CADM1: variants seen among roughly 807,000 people sequenced by gnomAD.
CADM1 encodes cell adhesion molecule 1.
In CADM1, 15 loss-of-function variants were observed where a neutral mutation model predicts 53.1. The observed-to-expected ratio is 0.28, with a 90% CI of 0.19 to 0.44. The LOEUF is 0.44. CADM1 is among the 20% of genes least tolerant of loss of function. The probability of loss-of-function intolerance (pLI) is 1.00; values close to 1 mark genes in which losing one functional copy is unlikely to be tolerated. For synonymous variants in CADM1, 281 were observed against 243.0 expected, an observed-to-expected ratio of 1.16 and a Z score of -1.45; for missense variants, 434 against 611.3, an observed-to-expected ratio of 0.71 and a Z score of 3.06.
At chr11:115,493,999 T>C (rs150193677) in intron 1 of CADM1, among the ~76,000 whole-genome samples, 2 of 152,286 alleles carry the variant, frequency 1.3e-5, no homozygotes, top group East Asian at 3.9e-4. Context: ...ATAATTTCAA[T>C]GTAATAATGG....
intron 8 of CADM1, among the ~76,000 whole-genome samples, chr11:115,204,339 C>T (rs1316560758): frequency 2.0e-5 from 3 of 152,182 alleles, no homozygotes; most frequent in African/African-American, 7.2e-5. Context: ...GCACCTTCTG[C>T]CTGTGCCACC....
chr11:115,198,560 G>A (rs1405825784), intron 8 of CADM1, 122 bp from the exon 9 acceptor site: 46 of 729,406 alleles, frequency 6.3e-5, no homozygotes, highest in South Asian at 2.7e-4. Context: ...AGAACATCGC[G>A]TGACAAGCAA....
intron 1 of CADM1, among the ~76,000 whole-genome samples, chr11:115,402,394 G>C (rs1052360440): frequency 2.0e-5 from 3 of 151,960 alleles, no homozygotes; most frequent in African/African-American, 7.3e-5. Context: ...GTGGTGGTGC[G>C]TGCCTGTAGT....
At chr11:115,362,976 G>C (rs1946067983) in intron 1 of CADM1, among the ~76,000 whole-genome samples, 1 of 152,142 alleles carries the variant, frequency 6.6e-6, no homozygotes, top group Non-Finnish European at 1.5e-5. Context: ...ATAGAGCAAA[G>C]CTGTTGTTAT....
intron 1 of CADM1, among the ~76,000 whole-genome samples, chr11:115,472,239 C>T (rs569881777): frequency 6.6e-6 from 1 of 152,190 alleles, no homozygotes; most frequent in Non-Finnish European, 1.5e-5. Flanking sequence ...GTAATTGTAT[C>T]CTATAGCTAA....
intron 1 of CADM1, among the ~76,000 whole-genome samples, chr11:115,441,947 G>T (rs1948323275): frequency 6.6e-6 from 1 of 151,964 alleles, no homozygotes; most frequent in Non-Finnish European, 1.5e-5. Flanking sequence ...GTATATTATT[G>T]AGGACTGGGC....
chr11:115,477,132 T>C (rs933689534), intron 1 of CADM1, among the ~76,000 whole-genome samples: 2 of 151,872 alleles, frequency 1.3e-5, no homozygotes, highest in Non-Finnish European at 2.9e-5. Context: ...GGACAGGATA[T>C]AGTGGATAGG....
chr11:115,195,638 G>C (rs963542593), intron 9 of CADM1, among the ~76,000 whole-genome samples: 1 of 152,098 alleles, frequency 6.6e-6, no homozygotes, highest in Non-Finnish European at 1.5e-5. Flanking sequence ...TGAAGAAGTT[G>C]GGTTTTCAGC....
At chr11:115,353,905 G>A (rs1945798509) in intron 1 of CADM1, among the ~76,000 whole-genome samples, 2 of 152,156 alleles carry the variant, frequency 1.3e-5, no homozygotes, top group African/African-American at 4.8e-5. Flanking sequence ...TTAGGTATGT[G>A]AAAGGCATGG....
chr11:115,291,847 T>C (rs1476740201), intron 1 of CADM1, among the ~76,000 whole-genome samples: 2 of 152,198 alleles, frequency 1.3e-5, no homozygotes, highest in Non-Finnish European at 2.9e-5. Flanking sequence ...ACAAAAAAAT[T>C]AAAAATGAAT....
intron 1 of CADM1, among the ~76,000 whole-genome samples, chr11:115,242,195 C>A (rs1358820197): frequency 6.6e-6 from 1 of 151,970 alleles, no homozygotes; most frequent in Admixed American, 6.6e-5. Flanking sequence ...GCTCTAGGAT[C>A]CAGGGAATTA....
chr11:115,340,446 C>T (rs1945397730), intron 1 of CADM1, among the ~76,000 whole-genome samples: 1 of 145,050 alleles, frequency 6.9e-6, no homozygotes, highest in South Asian at 2.2e-4. Flanking sequence ...ATTGGCAATG[C>T]TAAGAGTTTT....
intron 1 of CADM1, among the ~76,000 whole-genome samples, chr11:115,317,491 C>T (rs766962734): frequency 5.9e-5 from 9 of 152,162 alleles, no homozygotes; most frequent in South Asian, 2.1e-4. Context: ...TCTATTAGAA[C>T]GTTAATTGTT....
intron 4 of CADM1, among the ~76,000 whole-genome samples, chr11:115,230,039 T>C (rs1941759491): frequency 1.3e-5 from 2 of 152,162 alleles, no homozygotes; most frequent in Admixed American, 6.5e-5. Flanking sequence ...TGGCACACCA[T>C]TAACTTTCTT....
chr11:115,432,622 A>C (rs973386602), intron 1 of CADM1, among the ~76,000 whole-genome samples: 10 of 152,228 alleles, frequency 6.6e-5, no homozygotes, highest in Admixed American at 5.9e-4. Flanking sequence ...ATAATTAAGA[A>C]TTTCAATATT....
Position 115,175,419 on chromosome 11 carries a change from C to T in CADM1, c.*1055G>A, listed in dbSNP as rs1453387699. The T allele has an allele frequency of 1.0e-6, 1 of 984,714 alleles. No homozygotes were observed. 61.0% of individuals were successfully genotyped at this position (984,714 alleles called of 1,614,324 possible). On this transcript the variant is annotated 3_prime_UTR_variant, in exon 12 of 12. Coordinates refer to ENST00000331581, the MANE Select transcript of CADM1 (RefSeq NM_001301043.2). Reference sequence around the variant, plus strand: ...ACTCTGTCCCATTCAGTCATTCGCACAACAGACGAACTTGCTTTTTCCTAC... The same window carrying T: ...ACTCTGTCCCATTCAGTCATTCGCATAACAGACGAACTTGCTTTTTCCTAC...
chr11:115,321,776 G>A (rs1318897310), intron 1 of CADM1, among the ~76,000 whole-genome samples: 2 of 152,126 alleles, frequency 1.3e-5, no homozygotes, highest in East Asian at 1.9e-4. Context: ...CAACAGTGGC[G>A]TGATACTCCA....
At chr11:115,354,927 T>C (rs1945826447) in intron 1 of CADM1, among the ~76,000 whole-genome samples, 1 of 152,196 alleles carries the variant, frequency 6.6e-6, no homozygotes, top group African/African-American at 2.4e-5. Flanking sequence ...AGAATTTCCC[T>C]AAACATCTCT....
chr11:115,293,150 G>A (rs1428624942), intron 1 of CADM1, among the ~76,000 whole-genome samples: 1 of 152,062 alleles, frequency 6.6e-6, no homozygotes, highest in Non-Finnish European at 1.5e-5. Flanking sequence ...AAAGATCCAG[G>A]GCCGGGTGAC....
Sources: gnomAD v4.1 joint callset for allele counts (sites outside exome capture counted in the v4.1 genomes callset) on GRCh38, gnomAD v4.1.1 for gene constraint, MANE v1.5 for transcripts, NCBI Gene and HGNC (gene_info 2026-07-23, HGNC 2026-07-21) for gene names.